The following AGPAT5 variants were observed in gnomAD, a reference collection of about 807,000 sequenced individuals.
The protein encoded by AGPAT5 is 1-acyl-sn-glycerol-3-phosphate acyltransferase epsilon.
A neutral mutation model predicts 45.6 loss-of-function variants in AGPAT5; 46 were observed. The observed-to-expected ratio is 1.01, with a 90% CI of 0.80 to 1.29. AGPAT5 has a LOEUF of 1.29. Ranked by LOEUF, AGPAT5 falls within the 50% of genes most tolerant of loss-of-function variation. AGPAT5 has a pLI of 0.00. For missense variants in AGPAT5, 673 were observed against 450.7 expected (o/e 1.49, Z -4.47); for synonymous variants, 272 against 167.0 (o/e 1.63, Z -4.85).
In AGPAT5 at chr8:6,755,106, A is replaced by G. The variant is rs201303494; in HGVS notation, c.801A>G (p.Lys267=). ...ATATTCACATTGATCGTATCGACAA[A>G]AAAGATGTCCCAGAAGAACAAGAAC... The part of the protein sequence containing the change: ...KIHIHIDRID[K]KDVPEEQEHM... Residue 267 remains lysine (K), a synonymous_variant, in exon 7 of 8, where the codon AAA becomes AAG. Transcript: ENST00000285518. 3.1e-4 allele frequency: 492 copies of G among 1,607,888 alleles called. No individual in the cohort carries two copies. Among genetic ancestry groups the G allele is most frequent in the South Asian group, 3.9e-4 (35 of 88,958 alleles).
At position 6,757,198 on chromosome 8, in the gene AGPAT5, A is replaced by C; in HGVS notation, c.905A>C (p.Glu302Ala). 1 of 1,614,086 alleles carries C rather than the reference A, an allele frequency of 6.2e-7. No individual in the cohort carries two copies. Among genetic ancestry groups the C allele is most frequent in the Non-Finnish European group, 8.5e-7 (1 of 1,180,016 alleles). Residue 302 changes from glutamate to alanine, a missense_variant, in exon 8 of 8, where the codon GAA becomes GCA. Transcript: ENST00000285518. The part of the protein sequence containing the change: ...LIEFYESPDP[E>A]RRKRFPGKSV... ...GAATTTTATGAGTCACCAGATCCAG[A>C]AAGAAGAAAAAGATTTCCTGGGAAA... is the stretch of plus-strand genomic sequence containing the variant.
chr8:6,730,020 A>G (rs1297307898), intron 2 of AGPAT5, among the ~76,000 whole-genome samples: 8 of 152,120 alleles, frequency 5.3e-5, no homozygotes, highest in Admixed American at 6.5e-5. Context: ...CTGAACATAT[A>G]TATACACACT....
intron 1 of AGPAT5, among the ~76,000 whole-genome samples, chr8:6,709,887 G>C (rs1420363451): frequency 6.6e-6 from 1 of 152,090 alleles, no homozygotes; most frequent in African/African-American, 2.4e-5. Context: ...GTGTCTGTAA[G>C]TGTCTCCTTG....
intron 6 of AGPAT5, 142 bp downstream of exon 6, chr8:6,747,970 A>G: frequency 1.1e-6 from 1 of 915,058 alleles, no homozygotes; most frequent in Non-Finnish European, 1.6e-6. Context: ...AGATGTTATT[A>G]AGATGTAACA....
In AGPAT5 at chr8:6,758,842, A is replaced by C. The variant is rs959152017; in HGVS notation, c.*1454A>C. On this transcript the variant is annotated 3_prime_UTR_variant, in exon 8 of 8. Transcript: ENST00000285518. ...GTCCTTTAAGTTGACATTTCTGCTT[A>C]CTGCTACTGGATTTTTGCTGCAGAA... is the stretch of plus-strand genomic sequence containing the variant. 1.3e-5 allele frequency: 2 copies of C among 152,658 alleles called. No individual in the cohort carries two copies. The highest frequency in any genetic ancestry group is 4.8e-5 in the African/African-American group (2 of 41,456). The allele number at this position is 152,658 out of a possible 1,614,324, so 9.5% of individuals were successfully genotyped here. A position where few individuals can be genotyped will look rare whatever the true frequency, so the allele number is the denominator to read the frequency against.
At chr8:6,742,106 G>A (rs1423432549) in intron 5 of AGPAT5, among the ~76,000 whole-genome samples, 1 of 152,192 alleles carries the variant, frequency 6.6e-6, no homozygotes, top group Non-Finnish European at 1.5e-5. Context: ...ACAGACCTAA[G>A]TTGGAGTCCA....
At chr8:6,714,851 A>G (rs1316858567) in intron 1 of AGPAT5, among the ~76,000 whole-genome samples, 1 of 152,200 alleles carries the variant, frequency 6.6e-6, no homozygotes, top group African/African-American at 2.4e-5. Flanking sequence ...CTCCGTATAT[A>G]CCTAGTTTAC....
chr8:6,749,642 A>G (rs1235998125), intron 6 of AGPAT5, among the ~76,000 whole-genome samples: 2 of 152,174 alleles, frequency 1.3e-5, no homozygotes, highest in African/African-American at 4.8e-5. Context: ...GAAAAGTGGC[A>G]TATTAATATT....
chr8:6,748,929 G>A (rs1310731720), intron 6 of AGPAT5, among the ~76,000 whole-genome samples: 1 of 152,194 alleles, frequency 6.6e-6, no homozygotes, highest in East Asian at 1.9e-4. Flanking sequence ...TGAAGTTGAT[G>A]TGCCTTGGAA....
rs1423777512 is a variant in AGPAT5 at position 6,757,163 on chromosome 8, G to A, written c.870G>A (p.Lys290=). 6.2e-7 allele frequency: 1 copy of A among 1,611,790 alleles called. No homozygotes were observed. The highest frequency in any genetic ancestry group is 8.5e-7 in the Non-Finnish European group (1 of 1,178,886). ...WLHERFEIKD[K]MLIEFYESPD... is the part of the protein sequence containing the mutation. ...TAAACTTTTTCCATTCTGGCCATAG[G>A]ATGCTTATAGAATTTTATGAGTCAC... The change falls in exon 8 of 8, where the codon AAG becomes AAA. Residue 290 remains lysine, a splice_region_variant and synonymous_variant. Transcript: ENST00000285518.
At chr8:6,750,790 G>A (rs1801632362) in intron 6 of AGPAT5, among the ~76,000 whole-genome samples, 1 of 151,490 alleles carries the variant, frequency 6.6e-6, no homozygotes, top group African/African-American at 2.4e-5. Flanking sequence ...CAGTGGGTGA[G>A]ATTCAAGTAT....
chr8:6,737,961 C>T (rs1262561724), intron 4 of AGPAT5, among the ~76,000 whole-genome samples: 1 of 152,192 alleles, frequency 6.6e-6, no homozygotes. Flanking sequence ...TAGGGCCTTG[C>T]TCTGGATTAG....
chr8:6,750,072 C>A (rs1022453893), intron 6 of AGPAT5, among the ~76,000 whole-genome samples: 4 of 152,190 alleles, frequency 2.6e-5, no homozygotes, highest in African/African-American at 9.7e-5. Flanking sequence ...AGGAAACCAC[C>A]CTCTCTTTTG....
Position 6,747,655 on chromosome 8 carries a change from T to C in AGPAT5, c.587-15T>C. 2.5e-6 allele frequency: 4 copies of C among 1,603,652 alleles called. No homozygotes were observed. Among genetic ancestry groups the C allele is most frequent in the Non-Finnish European group, 3.4e-6 (4 of 1,172,874 alleles). ...TTTTGTAACTAATTAATGACGGCAC[T>C]GAATTGACTTCTAGGCCTTGCAGTA... On this transcript the variant is annotated splice_polypyrimidine_tract_variant and intron_variant, in intron 5 of 7. Coordinates refer to ENST00000285518, the MANE Select transcript of AGPAT5 (RefSeq NM_018361.5).
intron 4 of AGPAT5, among the ~76,000 whole-genome samples, chr8:6,739,567 G>A (rs370548511): frequency 2.4e-4 from 36 of 152,036 alleles, no homozygotes; most frequent in East Asian, 1.7e-3. Flanking sequence ...AAAATTTCAA[G>A]TTTTTGTTTG....
rs1801881501 is a variant in AGPAT5 at position 6,757,397 on chromosome 8, C to T, written c.*9C>T. ...TTACTATTAAAGCATAGACAAGTAG[C>T]TGTCTCCAGACAGTGGGATGTGCTA... On this transcript the variant is annotated 3_prime_UTR_variant, in exon 8 of 8. Coordinates refer to ENST00000285518, the MANE Select transcript of AGPAT5 (RefSeq NM_018361.5). The T allele has an allele frequency of 6.2e-7, 1 of 1,606,998 alleles. No homozygotes were observed. The highest frequency in any genetic ancestry group is 8.5e-7 in the Non-Finnish European group (1 of 1,173,574).
At chr8:6,732,524 A>G in intron 3 of AGPAT5, 37 bp from the exon 4 acceptor site, 1 of 1,543,046 alleles carries the variant, frequency 6.5e-7, no homozygotes, top group Non-Finnish European at 8.7e-7. Flanking sequence ...TGTTATTTTA[A>G]AAGTAAATGC....
chr8:6,744,324 T>C (rs1238359782), intron 5 of AGPAT5, among the ~76,000 whole-genome samples: 1 of 152,226 alleles, frequency 6.6e-6, no homozygotes, highest in African/African-American at 2.4e-5. Flanking sequence ...AAGCTAGTGC[T>C]CAGCTTTGTG....
At chr8:6,723,825 G>T (rs1340301488) in intron 1 of AGPAT5, among the ~76,000 whole-genome samples, 2 of 152,178 alleles carry the variant, frequency 1.3e-5, no homozygotes, top group Non-Finnish European at 2.9e-5. Context: ...AAGTTGTTGG[G>T]TTAATTGCCC....
Sources: allele counts gnomAD v4.1 joint callset (sites outside exome capture counted in the v4.1 genomes callset), GRCh38; gene constraint gnomAD v4.1.1; transcripts MANE v1.5; gene names NCBI Gene and HGNC (gene_info 2026-07-23, HGNC 2026-07-21).